DNAAF11: variants seen among roughly 807,000 people sequenced by gnomAD.
DNAAF11 encodes the protein dynein axonemal assembly factor 11, also known as leucine rich repeat containing 6.
DNAAF11 carries 45 observed loss-of-function variants against 60.8 expected under a neutral mutation model. The observed-to-expected ratio is 0.74, with a 90% confidence interval of 0.58 to 0.95. The LOEUF is 0.95. DNAAF11 is among the 40% of genes least tolerant of loss of function. The pLI, the probability that DNAAF11 is intolerant of heterozygous loss-of-function variation, is 0.00. For synonymous variants in DNAAF11, 191 were observed against 183.5 expected (o/e 1.04, Z -0.33); for missense variants, 546 against 546.2 (o/e 1.00, Z 0.00).
chr8:132,597,285 C>T (rs930061762), intron 10 of DNAAF11, among the ~76,000 whole-genome samples: 6 of 152,156 alleles, frequency 3.9e-5, no homozygotes, highest in Non-Finnish European at 2.9e-5. Flanking sequence ...CCGAGCACTG[C>T]CATTCTTGAG....
At chr8:132,675,602 T>A, upstream of DNAAF11, 1 of 1,207,742 alleles carries the variant, frequency 8.3e-7, no homozygotes, top group South Asian at 1.7e-5. Context: ...TCAGGAGCCA[T>A]GGCAACGGGG....
chr8:132,686,312 C>T, the DNAAF11 span, among the ~76,000 whole-genome samples: 6 of 152,058 alleles, frequency 3.9e-5, no homozygotes. Context: ...AGGAGCCCAA[C>T]ATGGTGAGGC....
chr8:132,663,062 A>C (rs766838277), intron 1 of DNAAF11, among the ~76,000 whole-genome samples: 43 of 152,194 alleles, frequency 2.8e-4, no homozygotes, highest in Non-Finnish European at 5.1e-4. Flanking sequence ...ATACATGGGG[A>C]AAGTCCTTGC....
intron 11 of DNAAF11, among the ~76,000 whole-genome samples, chr8:132,580,959 A>G (rs1039863879): frequency 6.6e-6 from 1 of 152,214 alleles, no homozygotes; most frequent in Non-Finnish European, 1.5e-5. Context: ...TATGGAAATT[A>G]AGGAAGTAGA....
intron 3 of DNAAF11, among the ~76,000 whole-genome samples, chr8:132,642,118 A>C (rs1821915628): frequency 6.6e-6 from 1 of 152,222 alleles, no homozygotes; most frequent in South Asian, 2.1e-4. Flanking sequence ...AAAATACATG[A>C]AACTCATAGA....
At chr8:132,648,849 C>A (rs200920468) in intron 3 of DNAAF11, among the ~76,000 whole-genome samples, 2 of 151,886 alleles carry the variant, frequency 1.3e-5, no homozygotes, top group Admixed American at 6.6e-5. Context: ...CACTGCTCAA[C>A]GAAATAAAAG....
intron 1 of DNAAF11, 107 bp from the exon 2 acceptor site, chr8:132,661,734 T>C (rs1381659187): frequency 3.3e-6 from 4 of 1,206,942 alleles, no homozygotes; most frequent in Non-Finnish European, 4.8e-6. Flanking sequence ...TGCAGTTGAA[T>C]GTCAATTTTC....
At chr8:132,699,516 G>T in the DNAAF11 span, among the ~76,000 whole-genome samples, 1 of 152,194 alleles carries the variant, frequency 6.6e-6, no homozygotes, top group Admixed American at 6.5e-5. Flanking sequence ...CTGCAGCCTG[G>T]AAGAGTGAAA....
chr8:132,656,938 T>C (rs773788810), intron 2 of DNAAF11, 31 bp from the exon 3 acceptor site: 11 of 692,300 alleles, frequency 1.6e-5, no homozygotes, highest in Non-Finnish European at 2.4e-5. Context: ...GTTAAGATAA[T>C]TAATCTTCAA....
At chr8:132,621,203 A>G (rs1049707211) in intron 7 of DNAAF11, among the ~76,000 whole-genome samples, 3 of 152,208 alleles carry the variant, frequency 2.0e-5, no homozygotes, top group Non-Finnish European at 4.4e-5. Context: ...GTGGTGAGGA[A>G]GAACAGCTGT....
rs2130328095 is a variant in DNAAF11, at chr8:132,625,466, A to ATAAAAAC, written c.654-13_654-12insGTTTTTA. ...TCTCTAAAGAGGAACTAGGAAAAAC[A>ATAAAAAC]AATAGAGCACTTAAAAACAATAATG... On this transcript the variant is annotated splice_polypyrimidine_tract_variant and intron_variant, in intron 5 of 11. Transcript: ENST00000620350. The ATAAAAAC allele has an allele frequency of 6.3e-7, 1 of 1,585,680 alleles. No individual in the cohort carries two copies. Among genetic ancestry groups the ATAAAAAC allele is most frequent in the East Asian group, 2.2e-5 (1 of 44,500 alleles).
intron 3 of DNAAF11, among the ~76,000 whole-genome samples, chr8:132,651,286 AG>A (rs1822988245): frequency 6.6e-6 from 1 of 151,872 alleles, no homozygotes; most frequent in African/African-American, 2.4e-5. Flanking sequence ...GAAAAAAAAA[AG>A]GATACTAGCT....
At chr8:132,622,842 C>A in intron 6 of DNAAF11, 154 bp from the exon 7 acceptor site, 1 of 603,736 alleles carries the variant, frequency 1.7e-6, no homozygotes, top group East Asian at 2.8e-5. Context: ...TTCTTAAGTC[C>A]ATTCCTTTAA....
Position 132,674,195 on chromosome 8 carries a change from G to GC in DNAAF11, c.10+1288_10+1289insG, listed in dbSNP as rs1563726488. On this transcript the variant is annotated intron_variant, in intron 1 of 11. Transcript: ENST00000620350. ...AGGAGGAGGAGAAGGAGGAGGAGGA[G>GC]AAGGAGGAGGAGAAGGAGGAGGAGG... is the stretch of plus-strand genomic sequence containing the variant. 4.8e-4 allele frequency among the ~76,000 whole-genome samples: 69 copies of GC among 144,344 alleles called. 3 individuals are homozygous for GC. Among genetic ancestry groups the GC allele is most frequent in the African/African-American group, 1.8e-3 (66 of 37,056 alleles). The allele number at this position is 144,344 out of a possible 152,430, so 94.7% of individuals were successfully genotyped here. A position where few individuals can be genotyped will look rare whatever the true frequency, so the allele number is the denominator to read the frequency against.
chr8:132,664,074 T>C (rs1432327830), intron 1 of DNAAF11, among the ~76,000 whole-genome samples: 1 of 152,254 alleles, frequency 6.6e-6, no homozygotes, highest in Non-Finnish European at 1.5e-5. Context: ...AGTATACTTG[T>C]CAAGGTAAGA....
chr8:132,679,606 A>G (rs911125195), upstream of DNAAF11, among the ~76,000 whole-genome samples: 1 of 152,106 alleles, frequency 6.6e-6, no homozygotes, highest in African/African-American at 2.4e-5. Flanking sequence ...TTCCCACCCA[A>G]TTCTCATCTT....
chr8:132,578,581 ATT>A (rs1259535699), intron 11 of DNAAF11: 5 of 915,646 alleles, frequency 5.5e-6, no homozygotes, highest in Non-Finnish European at 8.4e-6. Context: ...AATGCCTAAA[ATT>A]AATCACTAAG....
At chr8:132,701,539 C>T in the DNAAF11 span, among the ~76,000 whole-genome samples, 1 of 152,140 alleles carries the variant, frequency 6.6e-6, no homozygotes, top group Non-Finnish European at 1.5e-5. Flanking sequence ...TGACTGTGAG[C>T]TCCTGAGCTG....
chr8:132,629,370 C>T (rs1240777311), intron 5 of DNAAF11, among the ~76,000 whole-genome samples: 4 of 143,472 alleles, frequency 2.8e-5, no homozygotes, highest in South Asian at 2.2e-4. Context: ...TTTTTTAAGA[C>T]GGAGTCTCGC....
Sources: gnomAD v4.1 joint callset for allele counts (sites outside exome capture counted in the v4.1 genomes callset) on GRCh38, gnomAD v4.1.1 for gene constraint, MANE v1.5 for transcripts, NCBI Gene and HGNC (gene_info 2026-07-23, HGNC 2026-07-21) for gene names.